Variants in LARP1 observed in about 807,000 individuals in gnomAD.
LARP1 encodes la-related protein 1.
A neutral mutation model predicts 122.7 loss-of-function variants in LARP1; 36 were observed. The observed-to-expected ratio is 0.29, with a 90% CI of 0.22 to 0.39. LARP1 has a LOEUF of 0.39. Among genes scored for constraint, LARP1 ranks in the 10% least tolerant of loss-of-function variants. LARP1 has a pLI of 1.00. For missense variants in LARP1, 1,040 were observed against 1,403.6 expected (o/e 0.74, Z 4.14); for synonymous variants, 539 against 528.7 (o/e 1.02, Z -0.27).
At chr5:154,779,504 T>TC (rs1420361125) in intron 1 of LARP1, among the ~76,000 whole-genome samples, 1 of 140,764 alleles carries the variant, frequency 7.1e-6, no homozygotes, top group Non-Finnish European at 1.5e-5. Context: ...CTACATTCTC[T>TC]CTTTTTTTTT....
At chr5:154,792,077 A>G (rs1757394360) in intron 3 of LARP1, 1 of 429,786 alleles carries the variant, frequency 2.3e-6, no homozygotes, top group African/African-American at 2.0e-5. Context: ...TGAGTGAAGT[A>G]GGAGAGTGGT....
chr5:154,699,136 A>G (rs146367721), intron 1 of LARP1, among the ~76,000 whole-genome samples: 50 of 152,274 alleles, frequency 3.3e-4, no homozygotes, highest in African/African-American at 1.2e-3. Flanking sequence ...TTATCTGACT[A>G]TTCCTGTTTT....
rs773900121 is a variant in LARP1, at chr5:154,793,692, A to T, written c.837A>T (p.Arg279Ser). The T allele has an allele frequency of 1.2e-6, 2 of 1,614,004 alleles. No homozygotes were observed. The highest frequency in any genetic ancestry group is 1.7e-5 in the Admixed American group (1 of 59,996). ...ASRPTRPPEP[R>S]HIPANRGEIK... ...GCCCCACTCGCCCACCGGAGCCTAGACACATACCTGCCAATCGCGGAGAGA... is the reference window on the plus strand; with the variant it reads ...GCCCCACTCGCCCACCGGAGCCTAGTCACATACCTGCCAATCGCGGAGAGA... The change falls in exon 5 of 19, where the codon AGA becomes AGT. Residue 279 changes from arginine (R) to serine (S), a missense_variant. Physicochemically the swap from Arg to Ser is moderately radical, Grantham distance 110. Around this residue, in one of 8 missense-constraint regions of LARP1, gnomAD observed 178 missense variants for 178.3 expected, o/e 1.00. Coordinates refer to ENST00000518297, the MANE Select transcript of LARP1 (RefSeq NM_033551.3).
At chr5:154,733,597 C>T (rs1290976842) in intron 1 of LARP1, among the ~76,000 whole-genome samples, 1 of 149,110 alleles carries the variant, frequency 6.7e-6, no homozygotes, top group Admixed American at 6.7e-5. Context: ...GAGTCTCACT[C>T]TGTTGCCCAG....
At chr5:154,762,253 C>G (rs1754515488) in intron 1 of LARP1, among the ~76,000 whole-genome samples, 1 of 150,806 alleles carries the variant, frequency 6.6e-6, no homozygotes, top group African/African-American at 2.4e-5. Context: ...CAAAACAAAA[C>G]AAAAAAACCA....
At chr5:154,764,471 C>T (rs1754744964) in intron 1 of LARP1, among the ~76,000 whole-genome samples, 1 of 150,532 alleles carries the variant, frequency 6.6e-6, no homozygotes, top group Non-Finnish European at 1.5e-5. Flanking sequence ...TGTGGTGGTG[C>T]ATTCCTGTGG....
At chr5:154,784,038 C>T (rs575300262) in intron 1 of LARP1, among the ~76,000 whole-genome samples, 3 of 152,342 alleles carry the variant, frequency 2.0e-5, no homozygotes, top group East Asian at 3.9e-4. Flanking sequence ...GCCTGCGTTC[C>T]TCTGGGAGCC....
intron 1 of LARP1, chr5:154,718,695 C>T (rs1755666932): frequency 6.6e-6 from 1 of 152,252 alleles, no homozygotes; most frequent in African/African-American, 2.4e-5. Context: ...CCAGCTAGAT[C>T]ATCTAGTACA....
intron 1 of LARP1, chr5:154,729,112 G>C (rs1304986632): frequency 6.6e-6 from 1 of 152,608 alleles, no homozygotes; most frequent in East Asian, 1.9e-4. Context: ...TGCTGCAAGA[G>C]TTGGGCATGG....
At chr5:154,685,243 C>T (rs1387747366) in intron 1 of LARP1, among the ~76,000 whole-genome samples, 1 of 132,230 alleles carries the variant, frequency 7.6e-6, no homozygotes, top group African/African-American at 3.0e-5. Flanking sequence ...GACAACATCT[C>T]AGAAAAAAAA....
chr5:154,785,291 A>G (rs1371842307), intron 1 of LARP1, among the ~76,000 whole-genome samples: 1 of 152,148 alleles, frequency 6.6e-6, no homozygotes, highest in Non-Finnish European at 1.5e-5. Flanking sequence ...TGCAGTCTGG[A>G]CTGTATGAAT....
At chr5:154,720,592 G>A (rs551749093) in intron 1 of LARP1, among the ~76,000 whole-genome samples, 1 of 152,238 alleles carries the variant, frequency 6.6e-6, no homozygotes, top group Admixed American at 6.5e-5. Context: ...CATGTCTGCA[G>A]TCCCAGCTGC....
intron 1 of LARP1, among the ~76,000 whole-genome samples, chr5:154,741,864 G>A (rs1045085123): frequency 6.6e-6 from 1 of 152,172 alleles, no homozygotes; most frequent in African/African-American, 2.4e-5. Flanking sequence ...TCCTAAATGA[G>A]GGACTCCTGG....
chr5:154,730,227 C>T (rs747883170), intron 1 of LARP1, among the ~76,000 whole-genome samples: 6 of 151,978 alleles, frequency 3.9e-5, no homozygotes, highest in Admixed American at 6.6e-5. Context: ...CTTGCTCTGT[C>T]GCCCAGGCTG....
At chr5:154,686,838 C>G (rs1450592714) in intron 1 of LARP1, among the ~76,000 whole-genome samples, 1 of 152,220 alleles carries the variant, frequency 6.6e-6, no homozygotes, top group Non-Finnish European at 1.5e-5. Flanking sequence ...TTGCAGGGGT[C>G]TTCTCCAGTC....
chr5:154,740,253 C>T (rs1757155615), intron 1 of LARP1, among the ~76,000 whole-genome samples: 3 of 151,088 alleles, frequency 2.0e-5, no homozygotes, highest in African/African-American at 2.4e-5. Flanking sequence ...ATTAGCCAGG[C>T]GTGGTGGCAC....
chr5:154,798,948 T>G (rs891705681), intron 8 of LARP1, among the ~76,000 whole-genome samples: 1 of 152,228 alleles, frequency 6.6e-6, no homozygotes, highest in Admixed American at 6.5e-5. Flanking sequence ...CACCACAACC[T>G]CCACCTCCTG....
chr5:154,692,310 G>C (rs1220622943), intron 1 of LARP1, among the ~76,000 whole-genome samples: 1 of 152,202 alleles, frequency 6.6e-6, no homozygotes, highest in Non-Finnish European at 1.5e-5. Context: ...GCCAGTTGCT[G>C]CTTATTGCTA....
intron 1 of LARP1, among the ~76,000 whole-genome samples, chr5:154,764,607 A>C (rs1383425888): frequency 7.4e-5 from 11 of 149,050 alleles, no homozygotes; most frequent in Non-Finnish European, 7.5e-5. Context: ...AAAAAAAAAA[A>C]AAAAAAAAAA....
Sources: allele counts gnomAD v4.1 joint callset (sites outside exome capture counted in the v4.1 genomes callset), GRCh38; gene constraint gnomAD v4.1.1; regional missense constraint gnomAD v4.1.1; transcripts MANE v1.5; gene names NCBI Gene and HGNC (gene_info 2026-07-23, HGNC 2026-07-21).